SRGAP1: variants seen among roughly 807,000 people sequenced by gnomAD.
The protein encoded by SRGAP1 is SLIT-ROBO Rho GTPase activating protein 1.
Under a neutral mutation model 121.9 loss-of-function variants are expected in SRGAP1, and 43 were observed. The observed-to-expected ratio is 0.35, with a 90% confidence interval of 0.28 to 0.46. The LOEUF (loss-of-function observed/expected upper bound fraction) is 0.46, where lower values mean the gene tolerates loss of function less well. SRGAP1 is among the 20% of genes least tolerant of loss of function. SRGAP1 has a pLI of 1.00. For missense variants in SRGAP1, 1,102 were observed against 1,350.9 expected (o/e 0.82, Z 2.89); for synonymous variants, 447 against 485.4 (o/e 0.92, Z 1.04).
chr12:63,912,451 TTAAAAA>T (rs1232852188), intron 1 of SRGAP1, among the ~76,000 whole-genome samples: 1 of 151,922 alleles, frequency 6.6e-6, no homozygotes, highest in Non-Finnish European at 1.5e-5. Flanking sequence ...TCTAAAAATA[TTAAAAA>T]TAAAAAATTA....
At chr12:64,141,999 A>C (rs1565699609) in intron 21 of SRGAP1, among the ~76,000 whole-genome samples, 1 of 151,900 alleles carries the variant, frequency 6.6e-6, no homozygotes, top group Non-Finnish European at 1.5e-5. Context: ...AAAAGAAAAA[A>C]ATTTTTTTTT....
At chr12:63,854,564 A>G (rs1489498849) in intron 1 of SRGAP1, among the ~76,000 whole-genome samples, 1 of 152,100 alleles carries the variant, frequency 6.6e-6, no homozygotes, top group Non-Finnish European at 1.5e-5. Context: ...TATTCTCTTT[A>G]TTTTTGCATA....
At chr12:63,903,691 G>C (rs1428727051) in intron 1 of SRGAP1, among the ~76,000 whole-genome samples, 1 of 152,138 alleles carries the variant, frequency 6.6e-6, no homozygotes, top group Non-Finnish European at 1.5e-5. Context: ...CTGGAGTGCA[G>C]TGGTGTGGTC....
At chr12:63,867,270 T>C (rs11835034) in intron 1 of SRGAP1, among the ~76,000 whole-genome samples, 45,994 of 152,152 alleles carry the variant, frequency 0.3, 8,090 homozygotes, top group East Asian at 0.56. Context: ...ATGAACAGTT[T>C]GCTGACCTTC....
At position 64,161,746 on chromosome 12, in the gene SRGAP1, G is replaced by C. The variant is rs1337455775; in HGVS notation, c.*19074G>C. 6.6e-6 allele frequency: 1 copy of C among 152,116 alleles called. No individual in the cohort carries two copies. The highest frequency in any genetic ancestry group is 1.9e-4 in the East Asian group (1 of 5,192). The allele number at this position is 152,116 out of a possible 1,614,324, so 9.4% of individuals were successfully genotyped here. On this transcript the variant is annotated 3_prime_UTR_variant, in exon 22 of 22. Transcript: ENST00000355086. ...GAATTTAAAAACAAGCACTAAAGAA[G>C]GGCACTAAAAAACAGATTGTCATAG...
intron 18 of SRGAP1, among the ~76,000 whole-genome samples, chr12:64,119,770 C>CTTTTT (rs997729181): frequency 1.1e-4 from 12 of 107,422 alleles, no homozygotes; most frequent in African/African-American, 1.4e-4. Flanking sequence ...TTATTTGTTT[C>CTTTTT]TTTTTTTTTT....
chr12:63,908,802 A>G (rs1374547533), intron 1 of SRGAP1, among the ~76,000 whole-genome samples: 1 of 152,218 alleles, frequency 6.6e-6, no homozygotes, highest in Non-Finnish European at 1.5e-5. Flanking sequence ...TTGTTAGCAT[A>G]TAGAAATAGA....
At chr12:63,983,798 ATATATATATATATATATATAT>A (rs1565981561) in intron 1 of SRGAP1, 128 bp from the exon 2 acceptor site, 8 of 1,110 alleles carry the variant, frequency 7.2e-3, no homozygotes, top group African/African-American at 9.9e-3. Context: ...TACATTTAAA[ATATATATATATATATATATAT>A]ATATATATAT....
At chr12:63,932,198 G>A (rs141386102) in intron 1 of SRGAP1, among the ~76,000 whole-genome samples, 86 of 152,186 alleles carry the variant, frequency 5.7e-4, no homozygotes, top group Admixed American at 9.8e-4. Flanking sequence ...GGAGAATGCC[G>A]TGAACCCGGG....
intron 1 of SRGAP1, among the ~76,000 whole-genome samples, chr12:63,915,986 G>A (rs2030752438): frequency 1.3e-5 from 2 of 151,644 alleles, no homozygotes; most frequent in Admixed American, 1.3e-4. Flanking sequence ...TAAATTCTAG[G>A]GCTTGGAAGC....
intron 15 of SRGAP1, among the ~76,000 whole-genome samples, chr12:64,102,897 G>A (rs1395226939): frequency 6.6e-6 from 1 of 152,138 alleles, no homozygotes; most frequent in Non-Finnish European, 1.5e-5. Flanking sequence ...AGGTGATCTT[G>A]TACAACTCTG....
chr12:63,851,122 C>G (rs923512157), intron 1 of SRGAP1, among the ~76,000 whole-genome samples: 7 of 152,174 alleles, frequency 4.6e-5, no homozygotes, highest in Non-Finnish European at 7.3e-5. Context: ...TGCCACTGCA[C>G]TCCAGCCTGG....
Position 64,124,841 on chromosome 12 carries a change from A to C in SRGAP1, c.2225-1136A>C, listed in dbSNP as rs774177682. 8.6e-5 allele frequency among the ~76,000 whole-genome samples: 13 copies of C among 152,042 alleles called. 1 individual carries two copies. Among genetic ancestry groups the C allele is most frequent in the Non-Finnish European group, 1.3e-4 (9 of 68,010 alleles). On this transcript the variant is annotated intron_variant, in intron 18 of 21. Transcript: ENST00000355086. ...CTGTTGTAAAAAACAATACAGAGAGATCTCGTATACCTTCTGCCAGTTTCT... is the reference window on the plus strand; with the variant it reads ...CTGTTGTAAAAAACAATACAGAGAGCTCTCGTATACCTTCTGCCAGTTTCT...
intron 1 of SRGAP1, among the ~76,000 whole-genome samples, chr12:63,864,189 T>C (rs17099879): frequency 0.089 from 13,518 of 152,234 alleles, 682 homozygotes; most frequent in East Asian, 0.15. Context: ...GTACTTCAGG[T>C]TCTTTTCTGT....
chr12:63,977,966 C>A (rs1180260817), intron 1 of SRGAP1, among the ~76,000 whole-genome samples: 7 of 152,150 alleles, frequency 4.6e-5, no homozygotes, highest in Admixed American at 3.3e-4. Flanking sequence ...TTGGGGCATT[C>A]ATGGTGAAAA....
intron 1 of SRGAP1, among the ~76,000 whole-genome samples, chr12:63,971,352 A>G (rs900139455): frequency 1.6e-4 from 25 of 152,218 alleles, no homozygotes; most frequent in African/African-American, 6.0e-4. Flanking sequence ...TAAAGAAATA[A>G]TGGATTTTTT....
At chr12:64,115,950 AT>A in intron 18 of SRGAP1, 57 bp downstream of exon 18, 1 of 1,463,966 alleles carries the variant, frequency 6.8e-7, no homozygotes, top group Non-Finnish European at 9.4e-7. Context: ...ATTGTAAACA[AT>A]TGCTTGTATT....
chr12:63,940,402 TAA>T (rs140140921), intron 1 of SRGAP1, among the ~76,000 whole-genome samples: 48 of 117,916 alleles, frequency 4.1e-4, no homozygotes, highest in Non-Finnish European at 5.9e-4. Context: ...TTCCCCTACT[TAA>T]AAAAAAAAAA....
intron 8 of SRGAP1, among the ~76,000 whole-genome samples, chr12:64,075,033 A>G (rs958223695): frequency 6.6e-6 from 1 of 151,582 alleles, no homozygotes; most frequent in African/African-American, 2.4e-5. Flanking sequence ...TCGGTCGGGG[A>G]GACCCTAACC....
Sources: allele counts gnomAD v4.1 joint callset (sites outside exome capture counted in the v4.1 genomes callset), GRCh38; gene constraint gnomAD v4.1.1; transcripts MANE v1.5; gene names NCBI Gene and HGNC (gene_info 2026-07-23, HGNC 2026-07-21).